RTL4: variants seen among roughly 807,000 people sequenced by gnomAD.
RTL4 encodes the protein retrotransposon Gag like 4.
A neutral mutation model predicts 5.3 loss-of-function variants in RTL4; 4 were observed. The ratio of observed to expected loss-of-function variants is 0.75; its 90% CI spans 0.37 to 1.72. The LOEUF (loss-of-function observed/expected upper bound fraction) is 1.72. Ranked by LOEUF, RTL4 falls within the 40% of genes most tolerant of loss-of-function variation. RTL4 has a pLI of 0.04. For missense variants in RTL4, 260 were observed against 227.1 expected (o/e 1.14, Z -0.93); for synonymous variants, 98 against 87.3 (o/e 1.12, Z -0.68).
the RTL4 span, among the ~76,000 whole-genome samples, chrX:112,434,601 T>C: frequency 1.8e-5 from 2 of 111,737 alleles, no homozygotes; most frequent in Non-Finnish European, 1.9e-5. Context: ...ATTTTTATTG[T>C]GTCTATTTGA....
At chrX:112,302,511 G>A in the RTL4 span, among the ~76,000 whole-genome samples, 1 of 111,865 alleles carries the variant, frequency 8.9e-6, no homozygotes, top group Non-Finnish European at 1.9e-5. Context: ...TTATTGTAGT[G>A]ATGGCTACAA....
chrX:112,229,030 G>A, the RTL4 span, among the ~76,000 whole-genome samples: 3 of 111,915 alleles, frequency 2.7e-5, no homozygotes, highest in African/African-American at 9.8e-5. Context: ...AAAAAAAGGT[G>A]TCCCCTCTAG....
the RTL4 span, among the ~76,000 whole-genome samples, chrX:112,395,958 A>G: frequency 7.2e-5 from 8 of 111,383 alleles, no homozygotes; most frequent in Admixed American, 1.9e-4. Context: ...GTTTAATTAT[A>G]TGATTTTCCA....
the RTL4 span, among the ~76,000 whole-genome samples, chrX:112,211,138 G>T: frequency 8.9e-6 from 1 of 112,068 alleles, no homozygotes; most frequent in African/African-American, 3.2e-5. Flanking sequence ...AATAGAACTT[G>T]GTAAAATGAA....
At chrX:112,169,398 GC>G in the RTL4 span, among the ~76,000 whole-genome samples, 7 of 111,304 alleles carry the variant, frequency 6.3e-5, no homozygotes, top group Non-Finnish European at 1.1e-4. Flanking sequence ...ACAGGCGTGA[GC>G]CACTGCACCT....
chrX:112,220,200 G>A, the RTL4 span, among the ~76,000 whole-genome samples: 1 of 112,444 alleles, frequency 8.9e-6, no homozygotes, highest in Non-Finnish European at 1.9e-5. Context: ...TAAGAATAAG[G>A]TCAAATTATT....
At chrX:112,186,883 A>T in the RTL4 span, among the ~76,000 whole-genome samples, 1 of 112,299 alleles carries the variant, frequency 8.9e-6, no homozygotes, top group Non-Finnish European at 1.9e-5. Flanking sequence ...TTATGGATAT[A>T]TCAACTGAGT....
At chrX:112,410,068 C>T in the RTL4 span, among the ~76,000 whole-genome samples, 3 of 111,026 alleles carry the variant, frequency 2.7e-5, no homozygotes, top group Non-Finnish European at 5.7e-5. Flanking sequence ...TTTAAAAAAT[C>T]GGGAATAGCT....
At chrX:112,345,551 T>C in the RTL4 span, among the ~76,000 whole-genome samples, 1 of 111,420 alleles carries the variant, frequency 9.0e-6, no homozygotes, top group Admixed American at 9.6e-5. Context: ...GCTGCCCTCC[T>C]ACTTACATTT....
At chrX:112,412,754 A>G in the RTL4 span, among the ~76,000 whole-genome samples, 1 of 111,389 alleles carries the variant, frequency 9.0e-6, no homozygotes, top group African/African-American at 3.3e-5. Flanking sequence ...TCAAACTATT[A>G]AAGGAAAATC....
chrX:112,163,602 G>T, the RTL4 span, among the ~76,000 whole-genome samples: 3 of 111,931 alleles, frequency 2.7e-5, no homozygotes, highest in Non-Finnish European at 5.6e-5. Context: ...TACAATGGTG[G>T]TCACATTTGG....
the RTL4 span, among the ~76,000 whole-genome samples, chrX:112,421,088 G>C: frequency 9.0e-6 from 1 of 111,122 alleles, no homozygotes; most frequent in Non-Finnish European, 1.9e-5. Context: ...ATTATCAACA[G>C]CTGTACCGGT....
chrX:112,256,449 G>T, the RTL4 span, among the ~76,000 whole-genome samples: 1 of 111,804 alleles, frequency 8.9e-6, no homozygotes, highest in Non-Finnish European at 1.9e-5. Flanking sequence ...CATAATATAC[G>T]CTCTAAGAGG....
the RTL4 span, among the ~76,000 whole-genome samples, chrX:112,436,071 G>C: frequency 9.0e-6 from 1 of 111,173 alleles, no homozygotes; most frequent in African/African-American, 3.3e-5. Flanking sequence ...ACAAAAATTA[G>C]CCTGGCATGG....
the RTL4 span, among the ~76,000 whole-genome samples, chrX:112,277,936 A>G: frequency 8.9e-6 from 1 of 112,008 alleles, no homozygotes; most frequent in East Asian, 2.8e-4. Context: ...GTAAGGCTAA[A>G]AATTTGCAGC....
the RTL4 span, among the ~76,000 whole-genome samples, chrX:112,139,257 T>C: frequency 4.5e-5 from 5 of 111,393 alleles, no homozygotes; most frequent in African/African-American, 1.6e-4. Flanking sequence ...TTGGTTAAGG[T>C]TGTGTCTGAT....
the RTL4 span, among the ~76,000 whole-genome samples, chrX:112,424,518 AGACAT>A: frequency 9.0e-6 from 1 of 111,245 alleles, no homozygotes; most frequent in Non-Finnish European, 1.9e-5. Context: ...TTAGTACCCA[AGACAT>A]GAATCTTTCA....
chrX:112,357,786 G>A, the RTL4 span, among the ~76,000 whole-genome samples: 1 of 111,702 alleles, frequency 9.0e-6, no homozygotes. Flanking sequence ...AATTACCTCA[G>A]TTTGCCTATG....
At chrX:112,363,826 C>A in the RTL4 span, among the ~76,000 whole-genome samples, 3 of 111,366 alleles carry the variant, frequency 2.7e-5, no homozygotes, top group Admixed American at 9.5e-5. Flanking sequence ...TGACCATAAG[C>A]AGGACATTGA....
Sources: gnomAD v4.1 joint callset for allele counts (sites outside exome capture counted in the v4.1 genomes callset) on GRCh38, gnomAD v4.1.1 for gene constraint, MANE v1.5 for transcripts, NCBI Gene and HGNC (gene_info 2026-07-23, HGNC 2026-07-21) for gene names.